DENND5B: variants seen among roughly 807,000 people sequenced by gnomAD.
DENND5B encodes DENN domain containing 5B.
In DENND5B, 34 loss-of-function variants were observed where a neutral mutation model predicts 140.6. The ratio of observed to expected loss-of-function variants is 0.24; its 90% CI spans 0.18 to 0.32. DENND5B has a LOEUF of 0.32. DENND5B is among the 10% of genes least tolerant of loss of function. The probability of loss-of-function intolerance (pLI) is 1.00; values close to 1 mark genes in which losing one functional copy is unlikely to be tolerated. For synonymous variants in DENND5B, 551 were observed against 562.1 expected (o/e 0.98, Z 0.28); for missense variants, 1,142 against 1,560.2 (o/e 0.73, Z 4.52).
intron 1 of DENND5B, among the ~76,000 whole-genome samples, chr12:31,549,705 C>T (rs990408983): frequency 6.6e-6 from 1 of 152,112 alleles, no homozygotes; most frequent in African/African-American, 2.4e-5. Context: ...TCCCCCATCC[C>T]AACCTCCAAC....
At position 31,590,850 on chromosome 12, in the gene DENND5B, A is replaced by T. The variant is rs1429067920; in HGVS notation, c.-18T>A. 5.0e-5 allele frequency: 61 copies of T among 1,208,738 alleles called. 1 individual carries two copies. In the East Asian group the frequency reaches 6.4e-4, roughly 13 times the overall value. The allele number at this position is 1,208,738 out of a possible 1,614,324, so 74.9% of individuals were successfully genotyped here. On this transcript the variant is annotated 5_prime_UTR_variant, in exon 1 of 21. Coordinates refer to ENST00000389082, the MANE Select transcript of DENND5B (RefSeq NM_144973.4). ...CCGCTCATCCCGGCCGCGCTGCTCC[A>T]GGGGCCGCCGCCGCCGCCGCCCGGG...
chr12:31,490,214 T>C (rs1415356215), intron 2 of DENND5B, among the ~76,000 whole-genome samples: 1 of 148,482 alleles, frequency 6.7e-6, no homozygotes, highest in Non-Finnish European at 1.5e-5. Context: ...TGAAATATTC[T>C]AGCTGCAATG....
At chr12:31,417,127 C>G (rs71455664) in intron 11 of DENND5B, among the ~76,000 whole-genome samples, 1 of 148,486 alleles carries the variant, frequency 6.7e-6, no homozygotes, top group Non-Finnish European at 1.5e-5. Flanking sequence ...GAGGCCGAGG[C>G]GGGCGGATCA....
chr12:31,455,108 C>T (rs1944711732), intron 4 of DENND5B, among the ~76,000 whole-genome samples: 1 of 152,090 alleles, frequency 6.6e-6, no homozygotes, highest in Non-Finnish European at 1.5e-5. Context: ...GCGTGAGCCA[C>T]CGCGCCCGGC....
At position 31,591,041 on chromosome 12, in the gene DENND5B, G is replaced by GAA. The variant is rs1010549481; in HGVS notation, c.-210_-209insTT. The GAA allele has an allele frequency of 9.2e-6, 3 of 324,622 alleles. No individual in the cohort carries two copies. Among genetic ancestry groups the GAA allele is most frequent in the Non-Finnish European group, 1.3e-5 (3 of 226,470 alleles). 20.1% of individuals were successfully genotyped at this position (324,622 alleles called of 1,614,324 possible). A position where few individuals can be genotyped will look rare whatever the true frequency, so the allele number is the denominator to read the frequency against. On this transcript the variant is annotated 5_prime_UTR_variant, in exon 1 of 21. Coordinates refer to ENST00000389082, the MANE Select transcript of DENND5B (RefSeq NM_144973.4). The stretch of plus-strand genomic sequence containing the variant: ...CGCGGGCTCGCGCGCGGCGGGTCCG[G>GAA]AGCCCGGCCGGGTGGGGGAGGGGCG...
Position 31,587,526 on chromosome 12 carries a change from CTTTTTTTTTTTTTTTTTTTT to C in DENND5B, c.127+3160_127+3179del, listed in dbSNP as rs71460995. 2.4e-4 allele frequency among the ~76,000 whole-genome samples: 18 copies of C among 75,038 alleles called. No homozygotes were observed. In the South Asian group the frequency reaches 5.1e-3, roughly 21 times the overall value. The allele number at this position is 75,038 out of a possible 152,430, so 49.2% of individuals were successfully genotyped here. A position where few individuals can be genotyped will look rare whatever the true frequency, so the allele number is the denominator to read the frequency against. ...CAACAACTTCTCTCACCACAAATAC[CTTTTTTTTTTTTTTTTTTTT>C]TTTTTTTTTTTTTTTTTTTGAGACA... On this transcript the variant is annotated intron_variant, in intron 1 of 20. Coordinates refer to ENST00000389082, the MANE Select transcript of DENND5B (RefSeq NM_144973.4).
intron 1 of DENND5B, among the ~76,000 whole-genome samples, chr12:31,528,523 A>G (rs1037552135): frequency 3.3e-5 from 5 of 152,224 alleles, no homozygotes; most frequent in African/African-American, 1.2e-4. Flanking sequence ...ATCTCTGACC[A>G]AGGTGTAGCA....
chr12:31,519,662 G>T (rs1947803066), intron 1 of DENND5B, among the ~76,000 whole-genome samples: 2 of 152,168 alleles, frequency 1.3e-5, no homozygotes. Flanking sequence ...GTCCATTTTT[G>T]TCTGATCACT....
At chr12:31,474,550 C>T (rs576434390) in intron 3 of DENND5B, among the ~76,000 whole-genome samples, 1 of 152,314 alleles carries the variant, frequency 6.6e-6, no homozygotes, top group South Asian at 2.1e-4. Context: ...TTTAAATGGG[C>T]TGTGGATCAG....
In DENND5B at chr12:31,383,868, A is replaced by C. The variant is rs1940737822; in HGVS notation, c.*3735T>G. ...GAAAATAAATTTTTCAAGAGGTAAT[A>C]CTTTTGGCAATTTAATTTTAAAACA... is the stretch of plus-strand genomic sequence containing the variant. On this transcript the variant is annotated 3_prime_UTR_variant, in exon 21 of 21. Transcript: ENST00000389082. The C allele has an allele frequency of 6.6e-6, 1 of 152,194 alleles. No individual in the cohort carries two copies. The highest frequency in any genetic ancestry group is 1.5e-5 in the Non-Finnish European group (1 of 68,046). The allele number at this position is 152,194 out of a possible 1,614,324, so 9.4% of individuals were successfully genotyped here. A position where few individuals can be genotyped will look rare whatever the true frequency, so the allele number is the denominator to read the frequency against.
chr12:31,582,988 C>T (rs1950257329), intron 1 of DENND5B, among the ~76,000 whole-genome samples: 1 of 152,188 alleles, frequency 6.6e-6, no homozygotes. Context: ...ACTCAGTTTC[C>T]TCCTGTGTAC....
chr12:31,423,391 T>C (rs573291595), intron 11 of DENND5B, among the ~76,000 whole-genome samples: 1 of 152,320 alleles, frequency 6.6e-6, no homozygotes, highest in East Asian at 1.9e-4. Context: ...TCCTATTTTA[T>C]AGATGACGAA....
intron 8 of DENND5B, 194 bp from the exon 9 acceptor site, chr12:31,426,618 C>T (rs767934226): frequency 9.6e-6 from 5 of 519,720 alleles, no homozygotes; most frequent in Non-Finnish European, 1.6e-5. Flanking sequence ...CAACTGTTAA[C>T]TCCTGTGAGA....
intron 6 of DENND5B, chr12:31,444,218 G>A (rs990634787): frequency 4.6e-5 from 7 of 152,106 alleles, no homozygotes; most frequent in African/African-American, 1.4e-4. Flanking sequence ...AGAAGAACCA[G>A]GTGCCTTTAT....
chr12:31,484,035 T>A (rs959294942), intron 2 of DENND5B, among the ~76,000 whole-genome samples: 2 of 151,494 alleles, frequency 1.3e-5, no homozygotes, highest in African/African-American at 4.8e-5. Flanking sequence ...GTGTTTTTAG[T>A]AGAGACGGGG....
chr12:31,574,389 A>G (rs1309526638), intron 1 of DENND5B, among the ~76,000 whole-genome samples: 1 of 151,786 alleles, frequency 6.6e-6, no homozygotes, highest in Non-Finnish European at 1.5e-5. Context: ...CTGGAGTTCG[A>G]GACCAACCTG....
intron 3 of DENND5B, among the ~76,000 whole-genome samples, chr12:31,471,461 A>ATTTTTTTTTTTTTTTTTTTTTTTTTTT (rs747862984): frequency 8.9e-6 from 1 of 111,932 alleles, no homozygotes; most frequent in African/African-American, 3.5e-5. Flanking sequence ...CCATGCCTGT[A>ATTTTTTTTTTTTTTTTTTTTTTTTTTT]TTTTTTTTTT....
chr12:31,400,989 T>A lies in DENND5B; in HGVS notation c.2950-1217A>T, dbSNP rs564855363. Among the ~76,000 whole-genome samples, 633 of 152,158 alleles carry A rather than the reference T, an allele frequency of 4.2e-3. 5 individuals carry two copies. Among genetic ancestry groups the A allele is most frequent in the African/African-American group, 0.014 (576 of 41,514 alleles). On this transcript the variant is annotated intron_variant, in intron 15 of 20. Transcript: ENST00000389082. ...TCCCGAGAAGCTGGGATTACAGGCA[T>A]GTGCCACCATGCCCGGCTAATTTTT...
At chr12:31,482,239 C>T (rs1946097517) in intron 2 of DENND5B, among the ~76,000 whole-genome samples, 1 of 152,130 alleles carries the variant, frequency 6.6e-6, no homozygotes, top group Non-Finnish European at 1.5e-5. Flanking sequence ...AGAGCAACTT[C>T]TTCCATGATT....
Sources: gnomAD v4.1 joint callset for allele counts (sites outside exome capture counted in the v4.1 genomes callset) on GRCh38, gnomAD v4.1.1 for gene constraint, MANE v1.5 for transcripts, NCBI Gene and HGNC (gene_info 2026-07-23, HGNC 2026-07-21) for gene names.